NDRG3: variants seen among roughly 807,000 people sequenced by gnomAD.
The protein encoded by NDRG3 is protein NDRG3.
In NDRG3, 23 loss-of-function variants were observed where a neutral mutation model predicts 57.2. The ratio of observed to expected loss-of-function variants is 0.40; its 90% confidence interval spans 0.29 to 0.57. The LOEUF (loss-of-function observed/expected upper bound fraction) is 0.57. NDRG3 is among the 20% of genes least tolerant of loss of function. NDRG3 has a pLI of 0.42. For missense variants in NDRG3, 384 were observed against 457.3 expected (o/e 0.84, Z 1.46); for synonymous variants, 132 against 162.6 (o/e 0.81, Z 1.43).
chr20:36,684,164 C>T (rs1326878290), intron 6 of NDRG3, among the ~76,000 whole-genome samples: 1 of 152,150 alleles, frequency 6.6e-6, no homozygotes, highest in East Asian at 1.9e-4. Context: ...GCGTGTGTGC[C>T]ACCTTCCTAG....
chr20:36,705,564 G>C (rs1335212116), intron 3 of NDRG3, among the ~76,000 whole-genome samples: 1 of 152,044 alleles, frequency 6.6e-6, no homozygotes, highest in Admixed American at 6.6e-5. Flanking sequence ...CAGGTTGGCT[G>C]AATACTGGAA....
chr20:36,660,214 AAAG>A, intron 13 of NDRG3, 120 bp downstream of exon 13: 1 of 774,296 alleles, frequency 1.3e-6, no homozygotes, highest in Non-Finnish European at 2.1e-6. Flanking sequence ...TCTCAAAGAA[AAAG>A]AAGAGAATGA....
intron 1 of NDRG3, among the ~76,000 whole-genome samples, chr20:36,735,910 G>A (rs1985581703): frequency 6.7e-6 from 1 of 150,156 alleles, no homozygotes; most frequent in South Asian, 2.1e-4. Flanking sequence ...GGGGGTGGAG[G>A]TTGCAGTGAG....
intron 1 of NDRG3, among the ~76,000 whole-genome samples, chr20:36,733,166 AAAAAAATATATATATAT>A (rs1985402487): frequency 2.6e-5 from 2 of 77,690 alleles, no homozygotes; most frequent in East Asian, 2.9e-4. Flanking sequence ...AAAAAAAAAA[AAAAAAATATATATATAT>A]ATATATATAT....
At chr20:36,703,552 G>T (rs553170370) in intron 3 of NDRG3, among the ~76,000 whole-genome samples, 1 of 151,510 alleles carries the variant, frequency 6.6e-6, no homozygotes, top group Non-Finnish European at 1.5e-5. Context: ...CAAGCAATCC[G>T]CTTGCCTCAG....
chr20:36,672,894 C>T (rs920104080), intron 8 of NDRG3, among the ~76,000 whole-genome samples: 6 of 152,030 alleles, frequency 3.9e-5, no homozygotes, highest in African/African-American at 1.4e-4. Context: ...GACAGGGTCT[C>T]TCTCTGTCAC....
At chr20:36,714,908 AG>A (rs1297612723) in intron 2 of NDRG3, among the ~76,000 whole-genome samples, 2 of 149,274 alleles carry the variant, frequency 1.3e-5, no homozygotes, top group African/African-American at 4.9e-5. Context: ...CCACCGCGCC[AG>A]GCCCAGCAAA....
intron 1 of NDRG3, among the ~76,000 whole-genome samples, chr20:36,743,881 C>T (rs1478442783): frequency 4.7e-5 from 7 of 149,210 alleles, no homozygotes; most frequent in African/African-American, 7.4e-5. Context: ...CGTGAGTGCA[C>T]GTTCAAGTAA....
chr20:36,692,408 G>C (rs1982339908), intron 3 of NDRG3, among the ~76,000 whole-genome samples: 1 of 152,142 alleles, frequency 6.6e-6, no homozygotes, highest in Admixed American at 6.5e-5. Flanking sequence ...ATTTTTAGTA[G>C]AGATGGGGTT....
At chr20:36,663,477 A>T (rs932363039) in intron 12 of NDRG3, among the ~76,000 whole-genome samples, 2 of 152,260 alleles carry the variant, frequency 1.3e-5, no homozygotes, top group African/African-American at 4.8e-5. Flanking sequence ...TAGGAAACAC[A>T]TAATTAGACA....
intron 2 of NDRG3, among the ~76,000 whole-genome samples, chr20:36,715,624 C>T (rs1189777426): frequency 6.7e-6 from 1 of 150,302 alleles, no homozygotes. Flanking sequence ...TTGAGATCAG[C>T]GTGGGCAACA....
At chr20:36,740,555 G>C (rs914063160) in intron 1 of NDRG3, among the ~76,000 whole-genome samples, 3 of 152,160 alleles carry the variant, frequency 2.0e-5, no homozygotes, top group Non-Finnish European at 4.4e-5. Flanking sequence ...TGTTGGCCAG[G>C]CTAGTCTCGA....
At chr20:36,712,997 C>G (rs1568660718) in intron 2 of NDRG3, among the ~76,000 whole-genome samples, 1 of 152,138 alleles carries the variant, frequency 6.6e-6, no homozygotes, top group South Asian at 2.1e-4. Flanking sequence ...TGGGCTCAAG[C>G]AATCCTCCTG....
In NDRG3 at chr20:36,660,240, G is replaced by A. The variant is rs940836437; in HGVS notation, c.858+97C>T. The A allele has an allele frequency of 6.2e-6, 6 of 961,650 alleles. No homozygotes were observed. The African/African-American group carries it at 1.0e-4, about 16-fold the overall frequency. 59.6% of individuals were successfully genotyped at this position (961,650 alleles called of 1,614,324 possible). On this transcript the variant is annotated intron_variant, in intron 13 of 15. Transcript: ENST00000349004. ...AAGAAGAGAATGAGATAACCAAAGA[G>A]AGGGAAGCTTTGCTCCTTTCTAAGC...
rs1978331357 is a variant in NDRG3, at chr20:36,652,783, C to CT, written c.*736dup. On this transcript the variant is annotated 3_prime_UTR_variant, in exon 16 of 16. Coordinates refer to ENST00000349004, the MANE Select transcript of NDRG3 (RefSeq NM_032013.4). Reference sequence around the variant, plus strand: ...CCACATTCACTCCTTGGAAAAAACTCTATGTTGTATCAGAACCTCAGCGAT... The same window carrying CT: ...CCACATTCACTCCTTGGAAAAAACTCTTATGTTGTATCAGAACCTCAGCGAT... The CT allele has an allele frequency of 1.3e-5, 2 of 152,196 alleles. No individual in the cohort carries two copies. Among genetic ancestry groups the CT allele is most frequent in the African/African-American group, 4.8e-5 (2 of 41,446 alleles). The allele number at this position is 152,196 out of a possible 1,614,324, so 9.4% of individuals were successfully genotyped here. A position where few individuals can be genotyped will look rare whatever the true frequency, so the allele number is the denominator to read the frequency against.
chr20:36,721,583 A>G, intron 2 of NDRG3, 96 bp downstream of exon 2: 1 of 716,902 alleles, frequency 1.4e-6, no homozygotes, highest in Non-Finnish European at 2.4e-6. Context: ...GTCAAGCTAA[A>G]TATGTTTTAA....
chr20:36,698,934 TACATATACGTAC>T (rs1168621159), intron 3 of NDRG3, among the ~76,000 whole-genome samples: 7 of 152,128 alleles, frequency 4.6e-5, no homozygotes, highest in Non-Finnish European at 8.8e-5. Flanking sequence ...TATGTATACA[TACATATACGTAC>T]ACATATATAT....
intron 3 of NDRG3, chr20:36,700,351 A>G (rs1025311755): frequency 2.4e-6 from 1 of 414,344 alleles, no homozygotes; most frequent in South Asian, 1.9e-5. Context: ...CTAGTTGTCA[A>G]TGTCTCAAAG....
chr20:36,738,424 G>A (rs1350034499), intron 1 of NDRG3, among the ~76,000 whole-genome samples: 3 of 149,102 alleles, frequency 2.0e-5, no homozygotes, highest in South Asian at 2.1e-4. Flanking sequence ...GAATCCGGGG[G>A]ACAGAGGTTG....
Sources: allele counts gnomAD v4.1 joint callset (sites outside exome capture counted in the v4.1 genomes callset), GRCh38; gene constraint gnomAD v4.1.1; transcripts MANE v1.5; gene names NCBI Gene and HGNC (gene_info 2026-07-23, HGNC 2026-07-21).